The following LIMCH1 variants were observed in gnomAD, a reference collection of about 807,000 sequenced individuals.
LIMCH1 encodes LIM and calponin homology domains 1, also known as LIM and calponin homology domains-containing protein 1.
A neutral mutation model predicts 176.5 loss-of-function variants in LIMCH1; 113 were observed. The observed-to-expected ratio is 0.64, with a 90% CI of 0.55 to 0.75. LIMCH1 has a LOEUF of 0.75. Ranked by LOEUF, LIMCH1 falls within the 30% of genes least tolerant of loss-of-function variation. The pLI is 0.00. For synonymous variants in LIMCH1, 619 were observed against 645.9 expected, an observed-to-expected ratio of 0.96 and a Z score of 0.63; for missense variants, 1,674 against 1,814.9, an observed-to-expected ratio of 0.92 and a Z score of 1.41.
chr4:41,532,370 A>G (rs569799664), intron 3 of LIMCH1, among the ~76,000 whole-genome samples: 6 of 152,320 alleles, frequency 3.9e-5, no homozygotes, highest in South Asian at 2.1e-4. Flanking sequence ...ATAATTTTAT[A>G]TGGCTCCCTA....
intron 2 of LIMCH1, among the ~76,000 whole-genome samples, chr4:41,516,435 T>G (rs1174169663): frequency 5.9e-5 from 9 of 152,294 alleles, no homozygotes; most frequent in African/African-American, 2.2e-4. Context: ...GAAACCCAAG[T>G]TTATAATCCC....
chr4:41,515,448 A>G (rs1466702824), intron 2 of LIMCH1, among the ~76,000 whole-genome samples: 2 of 152,116 alleles, frequency 1.3e-5, no homozygotes, highest in Non-Finnish European at 2.9e-5. Context: ...TCAGGAGGAG[A>G]AGTGAGCCAG....
chr4:41,604,278 G>T, intron 3 of LIMCH1: 2 of 896,934 alleles, frequency 2.2e-6, no homozygotes, highest in Non-Finnish European at 2.7e-6. Flanking sequence ...TGTAGGGTAA[G>T]ATCTGCACAA....
intron 1 of LIMCH1, among the ~76,000 whole-genome samples, chr4:41,382,454 A>G (rs1367754491): frequency 6.6e-6 from 1 of 152,022 alleles, no homozygotes; most frequent in African/African-American, 2.4e-5. Context: ...AAACAGGGCT[A>G]TGAGTTTGTA....
chr4:41,551,531 G>A (rs1252053638), intron 1 of LIMCH1: 1 of 152,124 alleles, frequency 6.6e-6, no homozygotes. Flanking sequence ...ATACAAATAC[G>A]AGATGAAATT....
rs138144353 is a variant in LIMCH1, at chr4:41,591,341, A to G, written c.-240-7579A>G. Among the ~76,000 whole-genome samples the G allele has an allele frequency of 3.6e-3, 552 of 152,202 alleles. 2 individuals carry two copies. Among genetic ancestry groups the G allele is most frequent in the African/African-American group, 0.013 (528 of 41,532 alleles). On this transcript the variant is annotated intron_variant, in intron 1 of 31. Transcript: ENST00000503057. ...ACTGCAGCCTCTACCTCCTGGGCTC[A>G]GGTGATTCTCCCACCCCAGCCTCCT...
intron 1 of LIMCH1, among the ~76,000 whole-genome samples, chr4:41,416,662 AC>A (rs1181385011): frequency 0.16 from 14,171 of 90,364 alleles, 838 homozygotes; most frequent in Admixed American, 0.26. Flanking sequence ...CATCTCAAAA[AC>A]AAAAAAAAAA....
At chr4:41,683,667 C>G (rs1175728260) in intron 26 of LIMCH1, among the ~76,000 whole-genome samples, 1 of 152,138 alleles carries the variant, frequency 6.6e-6, no homozygotes, top group Non-Finnish European at 1.5e-5. Context: ...GAGAATTCTC[C>G]TATGCTCATC....
In LIMCH1 at chr4:41,684,597, C is replaced by T. The variant is rs1296333084; in HGVS notation, c.3967+79C>T. 7 of 1,515,910 alleles carry T rather than the reference C, an allele frequency of 4.6e-6. No individual in the cohort carries two copies. The African/African-American group carries it at 9.7e-5, about 21-fold the overall frequency. 93.9% of individuals were successfully genotyped at this position (1,515,910 alleles called of 1,614,324 possible). A position where few individuals can be genotyped will look rare whatever the true frequency, so the allele number is the denominator to read the frequency against. ...CACATTGTCCAGAAAGCTATGATCT[C>T]TGCTGGCTGCAGGCTTCTCTCTAAG... is the stretch of plus-strand genomic sequence containing the variant. On this transcript the variant is annotated intron_variant, in intron 27 of 31. Coordinates refer to ENST00000503057, the MANE Select transcript of LIMCH1 (RefSeq NM_001330672.2).
intron 1 of LIMCH1, among the ~76,000 whole-genome samples, chr4:41,450,308 TG>T (rs1361471482): frequency 2.0e-5 from 3 of 152,142 alleles, no homozygotes; most frequent in Admixed American, 6.5e-5. Flanking sequence ...TTATTGGGTT[TG>T]GGGCCTTAGA....
intron 1 of LIMCH1, among the ~76,000 whole-genome samples, chr4:41,426,451 G>C (rs1425440754): frequency 3.3e-5 from 5 of 152,194 alleles, no homozygotes; most frequent in African/African-American, 1.2e-4. Context: ...TTTCACAGGA[G>C]ACTTTAGTTA....
At chr4:41,600,307 T>C (rs558932291) in intron 2 of LIMCH1, among the ~76,000 whole-genome samples, 11 of 152,338 alleles carry the variant, frequency 7.2e-5, no homozygotes, top group African/African-American at 2.2e-4. Flanking sequence ...ATCTATCCTC[T>C]ATAAACCATT....
chr4:41,498,756 A>G (rs2072674167), intron 2 of LIMCH1, among the ~76,000 whole-genome samples: 1 of 152,168 alleles, frequency 6.6e-6, no homozygotes, highest in Admixed American at 6.5e-5. Context: ...CTGCACATAC[A>G]CCGGCCTGTT....
intron 1 of LIMCH1, among the ~76,000 whole-genome samples, chr4:41,591,715 G>A (rs1478015601): frequency 6.6e-6 from 1 of 152,188 alleles, no homozygotes; most frequent in African/African-American, 2.4e-5. Flanking sequence ...TAAATATGTG[G>A]CAGTAAAGGT....
At chr4:41,606,100 G>A in intron 4 of LIMCH1, 96 bp downstream of exon 4, 1 of 794,938 alleles carries the variant, frequency 1.3e-6, no homozygotes, top group South Asian at 1.5e-5. Flanking sequence ...ACTGGGTTGT[G>A]GAATGGTATG....
rs184661218 is a variant in LIMCH1 at position 41,383,125 on chromosome 4, A to G, written c.96+22189A>G. ...TTTTTATCATTGAATTGTCCATCTT[A>G]TATTTGAACTAATAATCAGTTGTAA... is the stretch of plus-strand genomic sequence containing the variant. On this transcript the variant is annotated intron_variant, in intron 1 of 26. Transcript: ENST00000313860. Among the ~76,000 whole-genome samples, 158 of 152,314 alleles carry G rather than the reference A, an allele frequency of 1.0e-3. 1 individual carries two copies. Among genetic ancestry groups the G allele is most frequent in the African/African-American group, 3.4e-3 (143 of 41,558 alleles).
At chr4:41,427,964 A>C (rs1428905537) in intron 1 of LIMCH1, among the ~76,000 whole-genome samples, 1 of 151,968 alleles carries the variant, frequency 6.6e-6, no homozygotes, top group African/African-American at 2.4e-5. Context: ...AAAAAGAAGA[A>C]GAATTTACTG....
At chr4:41,488,325 G>T (rs973165377) in intron 1 of LIMCH1, among the ~76,000 whole-genome samples, 1 of 152,154 alleles carries the variant, frequency 6.6e-6, no homozygotes, top group Non-Finnish European at 1.5e-5. Context: ...ATCAGTGGCA[G>T]AAAAATCATG....
chr4:41,423,029 A>G (rs972244439), intron 1 of LIMCH1, among the ~76,000 whole-genome samples: 13 of 152,202 alleles, frequency 8.5e-5, no homozygotes, highest in African/African-American at 2.7e-4. Flanking sequence ...AAGTGCTGGA[A>G]TTACAAGTGT....
Sources: allele counts gnomAD v4.1 joint callset (sites outside exome capture counted in the v4.1 genomes callset), GRCh38; gene constraint gnomAD v4.1.1; transcripts MANE v1.5; gene names NCBI Gene and HGNC (gene_info 2026-07-23, HGNC 2026-07-21).